EGFLAM: variants seen among roughly 807,000 people sequenced by gnomAD.
EGFLAM encodes the protein pikachurin.
Under a neutral mutation model 113.1 loss-of-function variants are expected in EGFLAM, and 79 were observed. The observed-to-expected ratio is 0.70, with a 90% CI of 0.58 to 0.84. EGFLAM has a LOEUF of 0.84. Ranked by LOEUF, EGFLAM falls within the 40% of genes least tolerant of loss-of-function variation. The pLI, the probability that EGFLAM is intolerant of heterozygous loss-of-function variation, is 0.00. For missense variants in EGFLAM, 1,265 were observed against 1,291.6 expected (o/e 0.98, Z 0.32); for synonymous variants, 504 against 487.6 (o/e 1.03, Z -0.44).
chr5:38,457,847 C>T (rs1743139606), intron 19 of EGFLAM, among the ~76,000 whole-genome samples: 1 of 150,228 alleles, frequency 6.7e-6, no homozygotes, highest in African/African-American at 2.5e-5. Flanking sequence ...CAGTCACAGT[C>T]ACAAAAAAGA....
At chr5:38,386,242 G>C (rs928903187) in intron 6 of EGFLAM, among the ~76,000 whole-genome samples, 1 of 152,176 alleles carries the variant, frequency 6.6e-6, no homozygotes, top group Non-Finnish European at 1.5e-5. Context: ...TGTTGCCCAG[G>C]CTGGAGTGCA....
At chr5:38,258,886 C>G (rs769078421) in intron 1 of EGFLAM, 35 bp downstream of exon 1, 4 of 1,591,002 alleles carry the variant, frequency 2.5e-6, no homozygotes, top group Non-Finnish European at 3.4e-6. Flanking sequence ...CACCACGCCC[C>G]GAGCGCCCCT....
At chr5:38,300,980 G>A (rs1481525461) in intron 1 of EGFLAM, among the ~76,000 whole-genome samples, 2 of 152,192 alleles carry the variant, frequency 1.3e-5, no homozygotes, top group Non-Finnish European at 2.9e-5. Flanking sequence ...TCAGATGAGA[G>A]AGACTGAGTG....
At chr5:38,304,614 C>G (rs1758680548) in intron 1 of EGFLAM, among the ~76,000 whole-genome samples, 1 of 152,154 alleles carries the variant, frequency 6.6e-6, no homozygotes, top group Admixed American at 6.5e-5. Flanking sequence ...AAAACAGCTA[C>G]AGTAAAGTTC....
At chr5:38,263,710 G>A (rs1254350365) in intron 1 of EGFLAM, among the ~76,000 whole-genome samples, 2 of 152,132 alleles carry the variant, frequency 1.3e-5, no homozygotes, top group African/African-American at 4.8e-5. Context: ...TTAACCCGTG[G>A]CTGCAAAGAT....
chr5:38,438,391 G>T lies in EGFLAM; in HGVS notation c.2400G>T (p.Arg800=), dbSNP rs773814994. 2.0e-5 allele frequency: 33 copies of T among 1,613,838 alleles called. No individual in the cohort carries two copies. Among genetic ancestry groups the T allele is most frequent in the Non-Finnish European group, 2.8e-5 (33 of 1,179,920 alleles). ...CTTGTGCCCATGGGGGCAGCTGCCG[G>T]CCCAGGAAGGAGGGCTATGACTGTG... is the stretch of plus-strand genomic sequence containing the variant. ...RAPCAHGGSC[R]PRKEGYDCDC... is the part of the protein sequence containing the mutation. Residue 800 remains arginine, a synonymous_variant, in exon 17 of 22, where the codon CGG becomes CGT. Transcript: ENST00000322350.
chr5:38,417,977 C>G (rs1741705862), intron 11 of EGFLAM, 89 bp from the exon 12 acceptor site: 1 of 1,338,648 alleles, frequency 7.5e-7, no homozygotes, highest in Non-Finnish European at 1.0e-6. Context: ...TCACTGACGT[C>G]TTAACCATGT....
intron 14 of EGFLAM, among the ~76,000 whole-genome samples, chr5:38,429,194 A>G (rs1364137509): frequency 6.6e-6 from 1 of 152,240 alleles, no homozygotes; most frequent in Non-Finnish European, 1.5e-5. Context: ...GATGGCTGTG[A>G]TCGATAAAAG....
intron 5 of EGFLAM, among the ~76,000 whole-genome samples, chr5:38,352,738 A>G (rs1386838116): frequency 6.6e-6 from 1 of 152,082 alleles, no homozygotes; most frequent in Non-Finnish European, 1.5e-5. Context: ...TCTACCATAT[A>G]TATATTTAAG....
At chr5:38,271,692 C>T (rs1308612216) in intron 1 of EGFLAM, among the ~76,000 whole-genome samples, 4 of 152,214 alleles carry the variant, frequency 2.6e-5, no homozygotes, top group Non-Finnish European at 5.9e-5. Context: ...ATGAAGTCTT[C>T]GTGTACTCTT....
chr5:38,423,415 T>C (rs1192316919), intron 12 of EGFLAM, among the ~76,000 whole-genome samples: 1 of 152,206 alleles, frequency 6.6e-6, no homozygotes, highest in Non-Finnish European at 1.5e-5. Context: ...CAACTCCATC[T>C]GGCTTTCATG....
intron 1 of EGFLAM, among the ~76,000 whole-genome samples, chr5:38,265,435 C>A (rs980272184): frequency 1.3e-5 from 2 of 152,206 alleles, no homozygotes; most frequent in African/African-American, 4.8e-5. Context: ...AGCAGAAAAT[C>A]TTTTGAGTTG....
chr5:38,345,231 A>G (rs1033489403), intron 3 of EGFLAM: 5 of 152,244 alleles, frequency 3.3e-5, no homozygotes, highest in Non-Finnish European at 7.3e-5. Context: ...TAAAATGGAG[A>G]TAATAGGACT....
intron 5 of EGFLAM, among the ~76,000 whole-genome samples, chr5:38,356,186 G>A (rs1017559608): frequency 3.3e-5 from 5 of 152,068 alleles, no homozygotes; most frequent in South Asian, 4.1e-4. Context: ...TCTTATAGTC[G>A]TTGAATTCCA....
At position 38,356,760 on chromosome 5, in the gene EGFLAM, G is replaced by A. The variant is rs543865076; in HGVS notation, c.545+4429G>A. Reference sequence around the variant, plus strand: ...GTTTGGCTGCAAAATCAATCCATTTGTAAACATCTCAGAGCCTATCCCATT... The same window carrying A: ...GTTTGGCTGCAAAATCAATCCATTTATAAACATCTCAGAGCCTATCCCATT... On this transcript the variant is annotated intron_variant, in intron 5 of 21. Transcript: ENST00000322350. Among the ~76,000 whole-genome samples the A allele has an allele frequency of 7.2e-5, 11 of 152,286 alleles. No homozygotes were observed. In the East Asian group the frequency reaches 1.9e-3, roughly 27 times the overall value.
chr5:38,322,059 A>G (rs1364247050), intron 1 of EGFLAM, among the ~76,000 whole-genome samples: 1 of 152,122 alleles, frequency 6.6e-6, no homozygotes, highest in African/African-American at 2.4e-5. Context: ...ACTTGAAGAG[A>G]ACTGCCCCGC....
At chr5:38,413,472 A>G (rs768051093) in intron 11 of EGFLAM, among the ~76,000 whole-genome samples, 1 of 151,980 alleles carries the variant, frequency 6.6e-6, no homozygotes, top group Non-Finnish European at 1.5e-5. Flanking sequence ...GGGGGGCCGT[A>G]ATTGTAGGAA....
chr5:38,435,202 T>C lies in EGFLAM; in HGVS notation c.2232T>C (p.Asp744=). 1.9e-6 allele frequency: 3 copies of C among 1,614,174 alleles called. No homozygotes were observed. The highest frequency in any genetic ancestry group is 2.5e-6 in the Non-Finnish European group (3 of 1,180,038). Reference sequence around the variant, plus strand: ...TTGGCGGAGTCCCCAATTATGATGATGTGAAGAAGAACTCGGGTGTCCTGA... The same window carrying C: ...TTGGCGGAGTCCCCAATTATGATGACGTGAAGAAGAACTCGGGTGTCCTGA... ...IFIGGVPNYD[D]VKKNSGVLKP... Residue 744 remains aspartate (D), a synonymous_variant, in exon 16 of 22, where the codon GAT becomes GAC. Coordinates refer to ENST00000322350, the MANE Select transcript of EGFLAM (RefSeq NM_152403.4).
intron 20 of EGFLAM, 82 bp from the exon 21 acceptor site, chr5:38,462,826 A>C (rs1214399199): frequency 9.5e-6 from 14 of 1,468,802 alleles, no homozygotes; most frequent in Non-Finnish European, 1.3e-5. Flanking sequence ...CCTTTAATAC[A>C]TTTGTATTGA....
Sources: gnomAD v4.1 joint callset for allele counts (sites outside exome capture counted in the v4.1 genomes callset) on GRCh38, gnomAD v4.1.1 for gene constraint, MANE v1.5 for transcripts, NCBI Gene and HGNC (gene_info 2026-07-23, HGNC 2026-07-21) for gene names.